The following DSCAM variants were observed in gnomAD, a reference collection of about 807,000 sequenced individuals.
DSCAM encodes cell adhesion molecule DSCAM.
In DSCAM, 47 loss-of-function variants were observed where a neutral mutation model predicts 217.7. The observed-to-expected ratio is 0.22, with a 90% confidence interval of 0.17 to 0.28. The LOEUF is 0.28. Among genes scored for constraint, DSCAM ranks in the 10% least tolerant of loss-of-function variants. The pLI, the probability that DSCAM is intolerant of heterozygous loss-of-function variation, is 1.00. For synonymous variants in DSCAM, 1,056 were observed against 1,015.3 expected (o/e 1.04, Z -0.76); for missense variants, 2,080 against 2,618.3 (o/e 0.79, Z 4.49).
intron 21 of DSCAM, among the ~76,000 whole-genome samples, chr21:40,088,291 A>G (rs1485799582): frequency 6.6e-6 from 1 of 152,134 alleles, no homozygotes; most frequent in Non-Finnish European, 1.5e-5. Flanking sequence ...AATGGGACAA[A>G]TGTGAGACCC....
At position 40,030,434 on chromosome 21, in the gene DSCAM, G is replaced by A. The variant is rs371888619; in HGVS notation, c.5686+11937C>T. ...GGGAGTATTTTGGAAAGAATGGCCCGGAAAGGCCTCTCAGGCAATGAGACG... is the reference window on the plus strand; with the variant it reads ...GGGAGTATTTTGGAAAGAATGGCCCAGAAAGGCCTCTCAGGCAATGAGACG... On this transcript the variant is annotated intron_variant, in intron 32 of 32. Transcript: ENST00000400454. 7.2e-5 allele frequency among the ~76,000 whole-genome samples: 11 copies of A among 152,202 alleles called. No homozygotes were observed. In the East Asian group the frequency reaches 7.7e-4, roughly 11 times the overall value.
At chr21:40,570,787 G>A (rs2076800282) in intron 3 of DSCAM, among the ~76,000 whole-genome samples, 1 of 151,946 alleles carries the variant, frequency 6.6e-6, no homozygotes, top group African/African-American at 2.4e-5. Context: ...ACATAGAAGA[G>A]AAAAGAATCA....
At chr21:40,170,868 G>C (rs765188415) in intron 15 of DSCAM, among the ~76,000 whole-genome samples, 2 of 152,068 alleles carry the variant, frequency 1.3e-5, no homozygotes, top group African/African-American at 2.4e-5. Flanking sequence ...GAATCCTCTG[G>C]GCTCCCTGGG....
At chr21:40,425,404 G>C (rs940350262) in intron 3 of DSCAM, among the ~76,000 whole-genome samples, 8 of 152,050 alleles carry the variant, frequency 5.3e-5, no homozygotes, top group African/African-American at 1.7e-4. Flanking sequence ...GCGGTGTTTG[G>C]TTGACGAGTT....
intron 1 of DSCAM, among the ~76,000 whole-genome samples, chr21:40,834,005 C>T (rs775359705): frequency 3.9e-5 from 6 of 152,126 alleles, no homozygotes; most frequent in Non-Finnish European, 7.3e-5. Context: ...GCTCACTGTC[C>T]TCTGTGGGTG....
Position 40,353,526 on chromosome 21 carries a change from A to G in DSCAM, c.873T>C (p.Tyr291=). 6.2e-7 allele frequency: 1 copy of G among 1,612,420 alleles called. No individual in the cohort carries two copies. Among genetic ancestry groups the G allele is most frequent in the Non-Finnish European group, 8.5e-7 (1 of 1,179,436 alleles). The change falls in exon 5 of 33, where the codon TAT becomes TAC. Residue 291 remains tyrosine, a synonymous_variant. Coordinates refer to ENST00000400454, the MANE Select transcript of DSCAM (RefSeq NM_001389.5). The part of the protein sequence containing the change: ...ENIRPSDSGS[Y]VCEVSNRYGT... ...CGTATCTGTTGGACACTTCACAAAC[A>G]TAGCTGCCTGAGTCCGAGGGGCGAA...
intron 16 of DSCAM, among the ~76,000 whole-genome samples, chr21:40,165,026 C>T (rs1438865858): frequency 6.6e-6 from 1 of 152,112 alleles, no homozygotes; most frequent in African/African-American, 2.4e-5. Context: ...CCTCCTTTAC[C>T]CTGTGTCTCT....
rs115168693 is a variant in DSCAM, at chr21:40,048,909, C to T, written c.5185+3049G>A. On this transcript the variant is annotated intron_variant, in intron 30 of 32. Transcript: ENST00000400454. ...GGGGCCAGTCACCTACCATTTCTAACTCTAAATAAAACACGGAGTGTTGTC... is the reference window on the plus strand; with the variant it reads ...GGGGCCAGTCACCTACCATTTCTAATTCTAAATAAAACACGGAGTGTTGTC... Among the ~76,000 whole-genome samples the T allele has an allele frequency of 5.4e-3, 816 of 152,276 alleles. 6 individuals are homozygous for T. Among genetic ancestry groups the T allele is most frequent in the African/African-American group, 0.018 (765 of 41,554 alleles).
intron 4 of DSCAM, among the ~76,000 whole-genome samples, chr21:40,354,378 TA>T (rs1052712736): frequency 1.8e-4 from 27 of 152,124 alleles, no homozygotes; most frequent in African/African-American, 6.3e-4. Context: ...ATAAAATAAA[TA>T]TTTTTTAAGT....
intron 3 of DSCAM, among the ~76,000 whole-genome samples, chr21:40,654,860 T>C (rs2090056024): frequency 1.3e-5 from 2 of 152,124 alleles, no homozygotes; most frequent in South Asian, 2.1e-4. Flanking sequence ...TAAGGTGAAA[T>C]ATTCACCTTC....
At position 40,576,161 on chromosome 21, in the gene DSCAM, G is replaced by C. The variant is rs186024402; in HGVS notation, c.508+116649C>G. On this transcript the variant is annotated intron_variant, in intron 3 of 32. Coordinates refer to ENST00000400454, the MANE Select transcript of DSCAM (RefSeq NM_001389.5). ...GGCTTCTACAAAAATATTCATACCAGCCTTTCTCCTATTAGTCAATCCCTG... is the reference window on the plus strand; with the variant it reads ...GGCTTCTACAAAAATATTCATACCACCCTTTCTCCTATTAGTCAATCCCTG... 3.2e-3 allele frequency among the ~76,000 whole-genome samples: 489 copies of C among 152,244 alleles called. 4 individuals carry two copies. Among genetic ancestry groups the C allele is most frequent in the Middle Eastern group, 0.024 (7 of 294 alleles).
chr21:40,508,783 ATTTTTTTTTT>A (rs1178142732), intron 3 of DSCAM, among the ~76,000 whole-genome samples: 2 of 24,216 alleles, frequency 8.3e-5, no homozygotes, highest in African/African-American at 1.7e-4. Context: ...ATATATATAT[ATTTTTTTTTT>A]TTTTTTTTTT....
intron 3 of DSCAM, among the ~76,000 whole-genome samples, chr21:40,525,136 T>C (rs535227089): frequency 1.3e-5 from 2 of 152,184 alleles, no homozygotes; most frequent in Non-Finnish European, 2.9e-5. Flanking sequence ...ATCATAACTT[T>C]ATAAATAAAT....
At chr21:40,148,095 C>A (rs1382922177) in intron 16 of DSCAM, among the ~76,000 whole-genome samples, 1 of 152,070 alleles carries the variant, frequency 6.6e-6, no homozygotes, top group African/African-American at 2.4e-5. Flanking sequence ...AAGGAACAAA[C>A]AAGAGAGCTC....
At chr21:40,722,717 C>G (rs925797259) in intron 1 of DSCAM, among the ~76,000 whole-genome samples, 4 of 151,960 alleles carry the variant, frequency 2.6e-5, no homozygotes, top group African/African-American at 4.8e-5. Flanking sequence ...TGCCTAAACA[C>G]TCTTAAAAGT....
At chr21:40,212,689 T>C (rs576690323) in intron 11 of DSCAM, among the ~76,000 whole-genome samples, 1 of 152,062 alleles carries the variant, frequency 6.6e-6, no homozygotes. Context: ...CTTTAGTGGG[T>C]TGAATTGTGG....
At chr21:40,587,785 AACAT>A (rs919852808) in intron 3 of DSCAM, among the ~76,000 whole-genome samples, 1 of 152,160 alleles carries the variant, frequency 6.6e-6, no homozygotes. Flanking sequence ...TTGAAAGTTA[AACAT>A]CAATTTGCAT....
At chr21:40,305,567 G>A (rs2074064454) in intron 9 of DSCAM, among the ~76,000 whole-genome samples, 1 of 152,012 alleles carries the variant, frequency 6.6e-6, no homozygotes, top group Admixed American at 6.6e-5. Context: ...GGTTTTTATG[G>A]TTTTAGGTCT....
chr21:40,821,117 T>TAG (rs2091922458), intron 1 of DSCAM, among the ~76,000 whole-genome samples: 1 of 105,620 alleles, frequency 9.5e-6, no homozygotes, highest in African/African-American at 3.7e-5. Context: ...TTCACATATA[T>TAG]ATAGATATAT....
Sources: allele counts gnomAD v4.1 joint callset (sites outside exome capture counted in the v4.1 genomes callset), GRCh38; gene constraint gnomAD v4.1.1; transcripts MANE v1.5; gene names NCBI Gene and HGNC (gene_info 2026-07-23, HGNC 2026-07-21).